The following KMT2E variants were observed in gnomAD, a reference collection of about 807,000 sequenced individuals.
The protein encoded by KMT2E is lysine methyltransferase 2E (inactive), also known as histone reader KMT2E.
A neutral mutation model predicts 184.6 loss-of-function variants in KMT2E; 30 were observed. The ratio of observed to expected loss-of-function variants is 0.16; its 90% CI spans 0.12 to 0.22. The LOEUF (loss-of-function observed/expected upper bound fraction) is 0.22, where lower values mean the gene tolerates loss of function less well. Ranked by LOEUF, KMT2E falls within the 10% of genes least tolerant of loss-of-function variation. The pLI, the probability that KMT2E is intolerant of heterozygous loss-of-function variation, is 1.00. For synonymous variants in KMT2E, 815 were observed against 776.5 expected (o/e 1.05, Z -0.82); for missense variants, 2,023 against 2,237.4 (o/e 0.90, Z 1.93).
At chr7:105,016,076 G>A (rs1394249882) in intron 1 of KMT2E, among the ~76,000 whole-genome samples, 2 of 152,064 alleles carry the variant, frequency 1.3e-5, no homozygotes, top group African/African-American at 2.4e-5. Context: ...AACTGTATAA[G>A]TATCATCTAT....
intron 6 of KMT2E, among the ~76,000 whole-genome samples, chr7:105,071,687 G>C (rs1333935732): frequency 7.8e-6 from 1 of 127,638 alleles, no homozygotes; most frequent in East Asian, 2.5e-4. Context: ...TCAATCTCCT[G>C]ACCTCGTGAT....
intron 8 of KMT2E, among the ~76,000 whole-genome samples, chr7:105,075,792 T>C (rs1196742846): frequency 6.6e-6 from 1 of 152,072 alleles, no homozygotes; most frequent in African/African-American, 2.4e-5. Flanking sequence ...CTCCAGTTGA[T>C]CCTCCTGCCT....
At position 105,105,518 on chromosome 7, in the gene KMT2E, G is replaced by C; in HGVS notation, c.2276G>C (p.Arg759Pro). The C allele has an allele frequency of 6.2e-7, 1 of 1,613,776 alleles. No individual in the cohort carries two copies. Among genetic ancestry groups the C allele is most frequent in the Non-Finnish European group, 8.5e-7 (1 of 1,179,836 alleles). ...GATGGCCTTTCAGAAAGGCCTCTAC[G>C]CATAACTACAGATCCTGAAGTGTTA... ...PSDGLSERPLRITTDPEVLAT... is the reference protein window; with the variant it reads ...PSDGLSERPLPITTDPEVLAT... The change falls in exon 18 of 27, where the codon CGC becomes CCC. Residue 759 changes from arginine (R) to proline (P), a missense_variant. Physicochemically the swap from Arg to Pro is moderately radical, Grantham distance 103. Around this residue, in one of 8 missense-constraint regions of KMT2E, gnomAD observed 514 missense variants for 621.8 expected, o/e 0.83. Coordinates refer to ENST00000311117, the MANE Select transcript of KMT2E (RefSeq NM_182931.3).
intron 1 of KMT2E, among the ~76,000 whole-genome samples, chr7:105,035,053 C>G (rs1429622092): frequency 7.0e-6 from 1 of 142,684 alleles, no homozygotes. Context: ...GAGACTGAGT[C>G]TTGCTGTGTT....
chr7:105,045,430 G>A (rs769953669), intron 3 of KMT2E, among the ~76,000 whole-genome samples: 5 of 152,086 alleles, frequency 3.3e-5, no homozygotes, highest in African/African-American at 4.8e-5. Context: ...TAGAAACTCC[G>A]CATTCACTAA....
At chr7:105,109,634 T>TC (rs1453851009) in intron 23 of KMT2E, among the ~76,000 whole-genome samples, 1 of 152,142 alleles carries the variant, frequency 6.6e-6, no homozygotes, top group Admixed American at 6.6e-5. Context: ...TGGTCCCCTT[T>TC]CCACCTGAAA....
chr7:105,022,475 C>G (rs1223580599), intron 1 of KMT2E, among the ~76,000 whole-genome samples: 1 of 151,786 alleles, frequency 6.6e-6, no homozygotes, highest in South Asian at 2.1e-4. Context: ...CGTCTGGAGG[C>G]ATATGATGTT....
chr7:105,053,441 A>G (rs1417676590), intron 3 of KMT2E, among the ~76,000 whole-genome samples: 1 of 152,234 alleles, frequency 6.6e-6, no homozygotes, highest in Admixed American at 6.5e-5. Flanking sequence ...TTAAAGATCT[A>G]GTTTGCAGAT....
chr7:105,042,228 C>T (rs778857396), intron 3 of KMT2E, among the ~76,000 whole-genome samples: 7 of 151,986 alleles, frequency 4.6e-5, no homozygotes, highest in African/African-American at 7.2e-5. Context: ...TGGGCTCAAG[C>T]GATCTGCCCA....
At chr7:105,086,773 TA>T (rs1398988583) in intron 13 of KMT2E, among the ~76,000 whole-genome samples, 2 of 145,280 alleles carry the variant, frequency 1.4e-5, no homozygotes, top group East Asian at 4.0e-4. Flanking sequence ...TATAAATATA[TA>T]TAAAATAAAT....
At chr7:105,094,682 A>AATGT (rs1798333616) in intron 15 of KMT2E, among the ~76,000 whole-genome samples, 1 of 152,174 alleles carries the variant, frequency 6.6e-6, no homozygotes, top group South Asian at 2.1e-4. Flanking sequence ...ACCAAATTTA[A>AATGT]ATGTACAGTA....
chr7:105,024,715 T>G (rs530849929), intron 1 of KMT2E, among the ~76,000 whole-genome samples: 1 of 152,334 alleles, frequency 6.6e-6, no homozygotes, highest in South Asian at 2.1e-4. Flanking sequence ...TAAAGTTACA[T>G]AGTGGTTAAT....
At chr7:105,099,952 A>G (rs1446805507) in intron 15 of KMT2E, among the ~76,000 whole-genome samples, 1 of 152,214 alleles carries the variant, frequency 6.6e-6, no homozygotes, top group African/African-American at 2.4e-5. Flanking sequence ...ACCACAAGAC[A>G]AAAAGGGGTA....
Position 105,110,789 on chromosome 7 carries a change from C to T in KMT2E, c.3989C>T (p.Pro1330Leu). The T allele has an allele frequency of 6.2e-7, 1 of 1,613,962 alleles. No homozygotes were observed. Among genetic ancestry groups the T allele is most frequent in the Non-Finnish European group, 8.5e-7 (1 of 1,179,866 alleles). ...ELMEDPDPEN[P>L]EPTTTNECPS... ...TTTATAGACCCTGATCCTGAAAATCCAGAACCCACAACTACGAATGAATGT... is the reference window on the plus strand; with the variant it reads ...TTTATAGACCCTGATCCTGAAAATCTAGAACCCACAACTACGAATGAATGT... Residue 1330 changes from proline (P) to leucine (L), a missense_variant, in exon 26 of 27, where the codon CCA becomes CTA. Coordinates refer to ENST00000311117, the MANE Select transcript of KMT2E (RefSeq NM_182931.3).
rs754816791 is a variant in KMT2E at position 105,107,551 on chromosome 7, C to T, written c.3094C>T (p.Pro1032Ser). 6.2e-7 allele frequency: 1 copy of T among 1,614,004 alleles called. No individual in the cohort carries two copies. The highest frequency in any genetic ancestry group is 8.5e-7 in the Non-Finnish European group (1 of 1,179,954). ...DLQLGLDAVEPTALHKTLETP... is the reference protein window; with the variant it reads ...DLQLGLDAVESTALHKTLETP... ...TCAGCTAGGACTCGATGCAGTTGAGCCAACTGCCCTACATAAAACCCTGGA... is the reference window on the plus strand; with the variant it reads ...TCAGCTAGGACTCGATGCAGTTGAGTCAACTGCCCTACATAAAACCCTGGA... The change falls in exon 22 of 27, where the codon CCA becomes TCA. Residue 1032 changes from proline (P) to serine (S), a missense_variant. Around this residue, in one of 8 missense-constraint regions of KMT2E, gnomAD observed 1,108 missense variants for 1,050.9 expected, o/e 1.05. Transcript: ENST00000311117.
chr7:105,106,435 T>C, intron 19 of KMT2E, 87 bp from the exon 20 acceptor site: 2 of 1,268,686 alleles, frequency 1.6e-6, no homozygotes, highest in East Asian at 4.7e-5. Flanking sequence ...CCATTGTTTA[T>C]ATTTTATCTT....
chr7:105,042,991 C>T (rs1037909279), intron 3 of KMT2E, among the ~76,000 whole-genome samples: 7 of 152,132 alleles, frequency 4.6e-5, no homozygotes, highest in African/African-American at 1.7e-4. Flanking sequence ...GAGGTTTTAC[C>T]TAAGATCTAA....
intron 1 of KMT2E, among the ~76,000 whole-genome samples, chr7:105,022,306 T>C (rs1043118391): frequency 1.3e-5 from 2 of 152,210 alleles, no homozygotes; most frequent in Admixed American, 6.5e-5. Context: ...TTAAGTCTCT[T>C]TTAATCTGGA....
At chr7:105,093,857 G>A (rs1313581838) in intron 15 of KMT2E, among the ~76,000 whole-genome samples, 2 of 152,266 alleles carry the variant, frequency 1.3e-5, no homozygotes, top group African/African-American at 4.8e-5. Flanking sequence ...AATATATTCT[G>A]TCATCTGCCA....
Sources: allele counts gnomAD v4.1 joint callset (sites outside exome capture counted in the v4.1 genomes callset), GRCh38; gene constraint gnomAD v4.1.1; regional missense constraint gnomAD v4.1.1; transcripts MANE v1.5; gene names NCBI Gene and HGNC (gene_info 2026-07-23, HGNC 2026-07-21).